The following LAYN variants were observed in gnomAD, a reference collection of about 807,000 sequenced individuals.
LAYN encodes the protein layilin.
LAYN carries 38 observed loss-of-function variants against 43.6 expected under a neutral mutation model. The observed-to-expected ratio is 0.87, with a 90% CI of 0.67 to 1.14. LAYN has a LOEUF of 1.14. Ranked by LOEUF, LAYN falls within the 50% of genes most tolerant of loss-of-function variation. The pLI, the probability that LAYN is intolerant of heterozygous loss-of-function variation, is 0.00. For missense variants in LAYN, 479 were observed against 463.8 expected, an observed-to-expected ratio of 1.03 and a Z score of -0.30; for synonymous variants, 168 against 172.9, an observed-to-expected ratio of 0.97 and a Z score of 0.22.
intron 1 of LAYN, 94 bp from the exon 2 acceptor site, chr11:111,543,829 T>C: frequency 7.9e-7 from 1 of 1,266,488 alleles, no homozygotes; most frequent in South Asian, 1.5e-5. Context: ...CCAAAATTCC[T>C]ACCCAGGGAT....
intron 2 of LAYN, among the ~76,000 whole-genome samples, chr11:111,546,604 G>A (rs961875843): frequency 1.3e-5 from 2 of 152,208 alleles, no homozygotes; most frequent in African/African-American, 2.4e-5. Flanking sequence ...TAAGGAAGAG[G>A]CTCTGGTCCA....
intron 5 of LAYN, 59 bp downstream of exon 5, chr11:111,555,349 C>T: frequency 8.0e-7 from 1 of 1,242,536 alleles, no homozygotes; most frequent in Non-Finnish European, 1.2e-6. Flanking sequence ...TTACAAATTA[C>T]CCATGGTTGA....
In LAYN at chr11:111,561,297, C is replaced by T. The variant is rs1453323811; in HGVS notation, c.*839C>T. ...ATTGCTTGAGCCCAGGAGGTTGAGG[C>T]TGCAGTGAGCTAGGATCACGCCACT... On this transcript the variant is annotated 3_prime_UTR_variant, in exon 7 of 7. Coordinates refer to ENST00000375614, the MANE Select transcript of LAYN (RefSeq NM_178834.5). 6.6e-6 allele frequency: 1 copy of T among 152,248 alleles called. No homozygotes were observed. The highest frequency in any genetic ancestry group is 6.5e-5 in the Admixed American group (1 of 15,282). The allele number at this position is 152,248 out of a possible 1,614,324, so 9.4% of individuals were successfully genotyped here.
At chr11:111,557,791 C>A in intron 6 of LAYN, 148 bp downstream of exon 6, 2 of 716,022 alleles carry the variant, frequency 2.8e-6, no homozygotes, top group African/African-American at 1.7e-5. Flanking sequence ...CAGGTCAGGG[C>A]ATTCAGAAGT....
intron 6 of LAYN, among the ~76,000 whole-genome samples, 194 bp from the exon 7 acceptor site, chr11:111,559,901 A>G (rs372894043): frequency 6.6e-6 from 1 of 152,084 alleles, no homozygotes; most frequent in East Asian, 1.9e-4. Context: ...AATGACAGAT[A>G]CACAATCACT....
Position 111,543,945 on chromosome 11 carries a change from G to C in LAYN, c.108G>C (p.Gly36=). The change falls in exon 2 of 7, where the codon GGG becomes GGC. Residue 36 remains glycine, a synonymous_variant. Coordinates refer to ENST00000375614, the MANE Select transcript of LAYN (RefSeq NM_178834.5). ...LLSGQPVCRG[G]TQRPCYKVIY... ...TAGGGCAGCCAGTCTGCCGGGGAGG[G>C]ACACAGAGGCCTTGTTATAAAGTCA... 1.2e-6 allele frequency: 2 copies of C among 1,613,002 alleles called. No homozygotes were observed.
chr11:111,545,448 C>T (rs192269939), intron 2 of LAYN, among the ~76,000 whole-genome samples: 40 of 152,234 alleles, frequency 2.6e-4, no homozygotes, highest in Admixed American at 2.1e-3. Flanking sequence ...TTCTATTGAC[C>T]ATCAAAATTG....
Position 111,540,881 on chromosome 11 carries a change from C to G in LAYN, c.38C>G (p.Ala13Gly), listed in dbSNP as rs112201378. Residue 13 changes from alanine to glycine, a missense_variant, in exon 1 of 7, where the codon GCC (alanine) becomes GGC (glycine). Transcript: ENST00000375614. Reference protein sequence around the residue: ...PGTALQAVLLAVLLVGLRAAT... With the variant: ...PGTALQAVLLGVLLVGLRAAT... The stretch of plus-strand genomic sequence containing the variant: ...ACCGCGCTACAGGCCGTGCTGCTGG[C>G]CGTGCTGCTGGTGGGGCTGCGGGCC... 6.5e-7 allele frequency: 1 copy of G among 1,532,378 alleles called. No individual in the cohort carries two copies. The highest frequency in any genetic ancestry group is 8.7e-7 in the Non-Finnish European group (1 of 1,145,676). The allele number at this position is 1,532,378 out of a possible 1,614,324, so 94.9% of individuals were successfully genotyped here.
Position 111,549,708 on chromosome 11 carries a change from C to T in LAYN, c.474C>T (p.Pro158=). ...QPSAPAGIGG[P]YMFQWNDDRC... Reference sequence around the variant, plus strand: ...CGGCACCCGCTGGCATCGGAGGCCCCTACATGTTCCAGTGGAATGATGACC... The same window carrying T: ...CGGCACCCGCTGGCATCGGAGGCCCTTACATGTTCCAGTGGAATGATGACC... The change falls in exon 3 of 7, where the codon CCC becomes CCT. Residue 158 remains proline (P), a synonymous_variant. Coordinates refer to ENST00000375614, the MANE Select transcript of LAYN (RefSeq NM_178834.5). 6.2e-7 allele frequency: 1 copy of T among 1,606,128 alleles called. No homozygotes were observed. Among genetic ancestry groups the T allele is most frequent in the East Asian group, 2.3e-5 (1 of 44,228 alleles).
At chr11:111,549,990 A>G (rs192316589) in intron 3 of LAYN, among the ~76,000 whole-genome samples, 1 of 152,366 alleles carries the variant, frequency 6.6e-6, no homozygotes, top group African/African-American at 2.4e-5. Context: ...AGATGTTAAG[A>G]GAAGGGATGA....
At chr11:111,558,791 T>G (rs1188709661) in intron 6 of LAYN, among the ~76,000 whole-genome samples, 2 of 148,108 alleles carry the variant, frequency 1.4e-5, no homozygotes, top group African/African-American at 4.9e-5. Context: ...AAAATATATA[T>G]ATATATATAT....
intron 2 of LAYN, 52 bp downstream of exon 2, chr11:111,544,272 G>T: frequency 1.3e-6 from 2 of 1,544,068 alleles, no homozygotes; most frequent in African/African-American, 2.7e-5. Flanking sequence ...ACTCAAAAAA[G>T]AGGCAGGCTG....
In LAYN at chr11:111,540,906, C is replaced by T. The variant is rs1867521837; in HGVS notation, c.63C>T (p.Ala21=). ...LLAVLLVGLR[A]ATGRLLSGQP... ...CCGTGCTGCTGGTGGGGCTGCGGGC[C>T]GCGACGGGTCGCCTGCTGAGTGGTG... Residue 21 remains alanine (A), a synonymous_variant, in exon 1 of 7, where the codon GCC becomes GCT. Transcript: ENST00000375614. The T allele has an allele frequency of 2.0e-6, 3 of 1,532,138 alleles. No individual in the cohort carries two copies. The highest frequency in any genetic ancestry group is 2.6e-6 in the Non-Finnish European group (3 of 1,145,672). 94.9% of individuals were successfully genotyped at this position (1,532,138 alleles called of 1,614,324 possible).
In LAYN at chr11:111,549,676, C is replaced by T. The variant is rs1351167546; in HGVS notation, c.442C>T (p.Gln148Ter). The change falls in exon 3 of 7, where the codon CAG becomes TAG. Residue 148 changes from glutamine (Q) to a stop codon, truncating the protein, a stop_gained. Transcript: ENST00000375614. LOFTEE classifies it high-confidence loss of function. The part of the protein sequence containing the change: ...GSEVCVVMYH[Q>*]PSAPAGIGGP... ...CGAGGTCTGCGTGGTCATGTACCAT[C>T]AGCCATCGGCACCCGCTGGCATCGG... 1 of 1,603,258 alleles carries T rather than the reference C, an allele frequency of 6.2e-7. No homozygotes were observed.
At chr11:111,542,270 G>T (rs577922614) in intron 1 of LAYN, among the ~76,000 whole-genome samples, 1 of 152,212 alleles carries the variant, frequency 6.6e-6, no homozygotes, top group Non-Finnish European at 1.5e-5. Context: ...TTGCAAGCAG[G>T]TCTGGCTTTT....
chr11:111,556,580 G>C (rs1394199852), intron 5 of LAYN, among the ~76,000 whole-genome samples: 3 of 152,134 alleles, frequency 2.0e-5, no homozygotes, highest in Non-Finnish European at 4.4e-5. Flanking sequence ...CAGGAACCAG[G>C]GACAAAGGCC....
At position 111,560,113 on chromosome 11, in the gene LAYN, C is replaced by A. The variant is rs1297279628; in HGVS notation, c.780C>A (p.Asp260Glu). 1 of 1,612,082 alleles carries A rather than the reference C, an allele frequency of 6.2e-7. No individual in the cohort carries two copies. Among genetic ancestry groups the A allele is most frequent in the Non-Finnish European group, 8.5e-7 (1 of 1,178,704 alleles). Reference protein sequence around the residue: ...ICRKRKREQPDPSTKKQHTIW... With the variant: ...ICRKRKREQPEPSTKKQHTIW... Reference sequence around the variant, plus strand: ...TTCCTAGAAAACGGGAGCAGCCAGACCCTAGCACAAAGAAGCAACACACCA... The same window carrying A: ...TTCCTAGAAAACGGGAGCAGCCAGAACCTAGCACAAAGAAGCAACACACCA... The change falls in exon 7 of 7, where the codon GAC (aspartate) becomes GAA (glutamate). Residue 260 changes from aspartate to glutamate, a missense_variant. By Grantham distance (45) the Asp-to-Glu change is conservative. Transcript: ENST00000375614.
intron 5 of LAYN, among the ~76,000 whole-genome samples, chr11:111,557,013 C>A (rs1276385535): frequency 6.6e-6 from 1 of 152,130 alleles, no homozygotes; most frequent in African/African-American, 2.4e-5. Context: ...TGACCTCTTT[C>A]CTGGTAATGA....
chr11:111,559,979 G>A (rs1867922369), intron 6 of LAYN, 116 bp from the exon 7 acceptor site: 9 of 1,217,472 alleles, frequency 7.4e-6, no homozygotes, highest in East Asian at 2.4e-5. Context: ...TTACATAGAC[G>A]AGACATGCAG....
Sources: gnomAD v4.1 joint callset for allele counts (sites outside exome capture counted in the v4.1 genomes callset) on GRCh38, gnomAD v4.1.1 for gene constraint, MANE v1.5 for transcripts, NCBI Gene and HGNC (gene_info 2026-07-23, HGNC 2026-07-21) for gene names.